Variants in UGT1A6 observed in about 807,000 individuals in gnomAD.
UGT1A6 encodes the protein UDP-glucuronosyltransferase 1A6.
Under a neutral mutation model 44.4 loss-of-function variants are expected in UGT1A6, and 32 were observed. That is an observed-to-expected ratio of 0.72 (90% CI 0.54 to 0.97). The LOEUF is 0.97. Ranked by LOEUF, UGT1A6 falls within the 50% of genes least tolerant of loss-of-function variation. UGT1A6 has a pLI of 0.00. For missense variants in UGT1A6, 685 were observed against 661.9 expected (o/e 1.03, Z -0.38); for synonymous variants, 238 against 248.5 (o/e 0.96, Z 0.40).
chr2:233,748,611 A>G (rs1693987516), intron 1 of UGT1A6, among the ~76,000 whole-genome samples: 1 of 151,804 alleles, frequency 6.6e-6, no homozygotes, highest in Non-Finnish European at 1.5e-5. Context: ...AGAGCAACGA[A>G]CGTGGGATAT....
chr2:233,768,108 G>A (rs1445815158), intron 3 of UGT1A6, 112 bp from the exon 4 acceptor site: 1 of 1,594,814 alleles, frequency 6.3e-7, no homozygotes, highest in Non-Finnish European at 8.6e-7. Flanking sequence ...GCAAATTTCT[G>A]CAAGGGCATG....
At chr2:233,747,673 T>G in intron 1 of UGT1A6, 1 of 1,605,188 alleles carries the variant, frequency 6.2e-7, no homozygotes, top group Non-Finnish European at 8.5e-7. Context: ...ATAGACCCAA[T>G]TTACCTCTGT....
At chr2:233,711,084 G>A (rs1478616153) in intron 1 of UGT1A6, among the ~76,000 whole-genome samples, 6 of 152,210 alleles carry the variant, frequency 3.9e-5, no homozygotes, top group Non-Finnish European at 7.3e-5. Context: ...ATGGCTCCAA[G>A]TCTATCTGTG....
intron 1 of UGT1A6, among the ~76,000 whole-genome samples, chr2:233,736,234 T>C (rs1035352456): frequency 6.6e-5 from 10 of 152,188 alleles, no homozygotes; most frequent in African/African-American, 2.4e-4. Flanking sequence ...TCTCTAACCT[T>C]GTCTTCTCAC....
intron 1 of UGT1A6, among the ~76,000 whole-genome samples, chr2:233,714,127 G>A (rs1240971453): frequency 2.0e-5 from 3 of 152,154 alleles, no homozygotes; most frequent in African/African-American, 4.8e-5. Context: ...GAGACTGTTC[G>A]TTTGTAAAAG....
chr2:233,751,741 C>G (rs1161851392), intron 1 of UGT1A6, among the ~76,000 whole-genome samples: 2 of 152,164 alleles, frequency 1.3e-5, no homozygotes, highest in East Asian at 1.9e-4. Context: ...CTCTGTTTCT[C>G]TCTTGCTTGC....
intron 1 of UGT1A6, chr2:233,719,331 T>C: frequency 6.2e-7 from 1 of 1,613,868 alleles, no homozygotes; most frequent in Non-Finnish European, 8.5e-7. Flanking sequence ...TCCTGCTGTG[T>C]TTTTTTGGAG....
intron 1 of UGT1A6, among the ~76,000 whole-genome samples, chr2:233,751,630 A>C (rs1694768299): frequency 6.6e-6 from 1 of 152,142 alleles, no homozygotes; most frequent in Non-Finnish European, 1.5e-5. Context: ...TCATGTGTGC[A>C]GTTTCCCCCT....
At chr2:233,745,380 C>A (rs531226985) in intron 1 of UGT1A6, among the ~76,000 whole-genome samples, 1 of 151,924 alleles carries the variant, frequency 6.6e-6, no homozygotes, top group East Asian at 1.9e-4. Flanking sequence ...GTTCTCTTCA[C>A]CTCCTTATTC....
At chr2:233,737,730 T>C (rs558595206) in intron 1 of UGT1A6, among the ~76,000 whole-genome samples, 10 of 152,254 alleles carry the variant, frequency 6.6e-5, no homozygotes, top group East Asian at 3.9e-4. Context: ...CCTTTTTTTT[T>C]CCTTTTCTCT....
intron 1 of UGT1A6, among the ~76,000 whole-genome samples, chr2:233,765,217 G>C (rs1406021636): frequency 6.6e-6 from 1 of 152,092 alleles, no homozygotes; most frequent in Non-Finnish European, 1.5e-5. Flanking sequence ...AGTATTCTTT[G>C]CAAACATAAA....
chr2:233,763,634 G>A (rs185655809), intron 1 of UGT1A6, among the ~76,000 whole-genome samples: 42 of 152,196 alleles, frequency 2.8e-4, no homozygotes, highest in Admixed American at 6.5e-4. Flanking sequence ...TGTGTTGATG[G>A]TCCTATTCTC....
At chr2:233,736,365 T>C (rs969556096) in intron 1 of UGT1A6, among the ~76,000 whole-genome samples, 1 of 152,210 alleles carries the variant, frequency 6.6e-6, no homozygotes, top group Non-Finnish European at 1.5e-5. Context: ...CTCCATCAGG[T>C]CATTTAAGGT....
At chr2:233,765,432 A>G (rs926269161) in intron 1 of UGT1A6, among the ~76,000 whole-genome samples, 3 of 152,240 alleles carry the variant, frequency 2.0e-5, no homozygotes, top group Non-Finnish European at 2.9e-5. Flanking sequence ...AGCCATAACA[A>G]GGAATGAGAT....
chr2:233,770,389 C>T (rs1188448895), intron 4 of UGT1A6: 4 of 152,212 alleles, frequency 2.6e-5, no homozygotes, highest in African/African-American at 4.8e-5. Flanking sequence ...TACGGTGGCT[C>T]ATGCCTGTAG....
intron 1 of UGT1A6, chr2:233,729,382 C>T (rs775388472): frequency 6.2e-7 from 1 of 1,613,960 alleles, no homozygotes; most frequent in South Asian, 1.1e-5. Context: ...TTCGTGGACC[C>T]AGGATGAATT....
chr2:233,695,414 G>A (rs536315425), intron 1 of UGT1A6, among the ~76,000 whole-genome samples: 97 of 145,054 alleles, frequency 6.7e-4, no homozygotes, highest in African/African-American at 2.3e-3. Flanking sequence ...GTGAGCTACC[G>A]CGCCCGGCCT....
At chr2:233,763,011 T>G (rs1346748254) in intron 1 of UGT1A6, among the ~76,000 whole-genome samples, 2 of 152,248 alleles carry the variant, frequency 1.3e-5, no homozygotes, top group Non-Finnish European at 2.9e-5. Flanking sequence ...TTTCATTATT[T>G]TGCATTATGT....
At chr2:233,741,279 G>A (rs1389443810) in intron 1 of UGT1A6, among the ~76,000 whole-genome samples, 1 of 151,738 alleles carries the variant, frequency 6.6e-6, no homozygotes, top group Non-Finnish European at 1.5e-5. Flanking sequence ...TGAACAATGG[G>A]ATTTATGTAC....
Sources: gnomAD v4.1 joint callset for allele counts (sites outside exome capture counted in the v4.1 genomes callset) on GRCh38, gnomAD v4.1.1 for gene constraint, MANE v1.5 for transcripts, NCBI Gene and HGNC (gene_info 2026-07-23, HGNC 2026-07-21) for gene names.